SLC9B1: variants seen among roughly 807,000 people sequenced by gnomAD.
The protein encoded by SLC9B1 is solute carrier family 9 member B1.
SLC9B1 carries 32 observed loss-of-function variants against 51.7 expected under a neutral mutation model. The observed-to-expected ratio is 0.62, with a 90% CI of 0.47 to 0.83. The LOEUF (loss-of-function observed/expected upper bound fraction) is 0.83, where lower values mean the gene tolerates loss of function less well. Ranked by LOEUF, SLC9B1 falls within the 40% of genes least tolerant of loss-of-function variation. The pLI is 0.00. For missense variants in SLC9B1, 406 were observed against 613.2 expected (o/e 0.66, Z 3.57); for synonymous variants, 145 against 212.7 (o/e 0.68, Z 2.77).
intron 1 of SLC9B1, among the ~76,000 whole-genome samples, chr4:103,010,485 T>C (rs191856845): frequency 2.0e-5 from 3 of 152,306 alleles, no homozygotes; most frequent in African/African-American, 7.2e-5. Context: ...ATTCAAACCA[T>C]AGTAGTGTCT....
intron 4 of SLC9B1, among the ~76,000 whole-genome samples, chr4:102,947,963 A>AAGAG (rs2110475142): frequency 6.6e-6 from 1 of 152,362 alleles, no homozygotes; most frequent in African/African-American, 2.4e-5. Context: ...TGGTGAATCC[A>AAGAG]TGAGTGATGG....
At chr4:102,915,400 C>G (rs1252291062) in intron 7 of SLC9B1, among the ~76,000 whole-genome samples, 1 of 151,866 alleles carries the variant, frequency 6.6e-6, no homozygotes, top group Non-Finnish European at 1.5e-5. Context: ...TTACTTTTTT[C>G]TTTTTCTTTT....
At chr4:102,934,286 CAT>C (rs1736606477) in intron 6 of SLC9B1, among the ~76,000 whole-genome samples, 1 of 151,924 alleles carries the variant, frequency 6.6e-6, no homozygotes, top group African/African-American at 2.4e-5. Context: ...ATAATAGTGA[CAT>C]ATAAATAGAC....
intron 3 of SLC9B1, among the ~76,000 whole-genome samples, chr4:102,958,185 T>C (rs551689517): frequency 1.8e-3 from 267 of 152,300 alleles, no homozygotes; most frequent in Non-Finnish European, 3.1e-3. Context: ...GGGGCAGATT[T>C]CTCCTGAATG....
At chr4:102,950,662 G>A (rs1737503270) in intron 3 of SLC9B1, among the ~76,000 whole-genome samples, 1 of 152,136 alleles carries the variant, frequency 6.6e-6, no homozygotes, top group African/African-American at 2.4e-5. Context: ...TTGTCATCCT[G>A]CAAAACTGGA....
intron 6 of SLC9B1, among the ~76,000 whole-genome samples, chr4:102,932,828 GA>G (rs1343776863): frequency 2.0e-5 from 3 of 152,194 alleles, no homozygotes; most frequent in Non-Finnish European, 4.4e-5. Flanking sequence ...ACCACTGTAA[GA>G]ATGGTCAGAC....
intron 7 of SLC9B1, among the ~76,000 whole-genome samples, chr4:102,927,259 C>T (rs77939343): frequency 0.55 from 83,160 of 151,938 alleles, 23,317 homozygotes; most frequent in African/African-American, 0.68. Context: ...TGGAATCTAA[C>T]TAAACTAAAG....
chr4:102,916,071 A>T (rs562270057), intron 7 of SLC9B1, among the ~76,000 whole-genome samples: 3 of 152,256 alleles, frequency 2.0e-5, no homozygotes, highest in African/African-American at 7.2e-5. Flanking sequence ...AATAAACAAA[A>T]TGACAATAGT....
intron 7 of SLC9B1, among the ~76,000 whole-genome samples, chr4:102,920,572 CAGA>C (rs1384282863): frequency 4.6e-5 from 7 of 152,128 alleles, no homozygotes; most frequent in Non-Finnish European, 1.0e-4. Flanking sequence ...GACGAGTTGA[CAGA>C]AGTAGGCTTC....
In SLC9B1 at chr4:102,932,129, G is replaced by A. The variant is rs374115572; in HGVS notation, c.824C>T (p.Ser275Phe). The A allele has an allele frequency of 8.1e-6, 13 of 1,611,650 alleles. No individual in the cohort carries two copies. The highest frequency in any genetic ancestry group is 1.1e-5 in the Non-Finnish European group (13 of 1,179,716). Reference sequence around the variant, plus strand: ...TGTTATATTTTCTTGTTTACCTGAGGAAAAGACTATGCTCAAGCATGTATT... The same window carrying A: ...TGTTATATTTTCTTGTTTACCTGAGAAAAAGACTATGCTCAAGCATGTATT... ...GFNTCLSIVF[S>F]SGGILNNAIA... The change falls in exon 7 of 12, where the codon TCC (serine) becomes TTC (phenylalanine). Residue 275 changes from serine (S) to phenylalanine (F), a missense_variant. Around this residue, in one of 6 missense-constraint regions of SLC9B1, gnomAD observed 250 missense variants for 394.1 expected, o/e 0.63. Coordinates refer to ENST00000296422, the MANE Select transcript of SLC9B1 (RefSeq NM_139173.4).
At chr4:102,920,329 A>G (rs1291458327) in intron 7 of SLC9B1, among the ~76,000 whole-genome samples, 1 of 152,210 alleles carries the variant, frequency 6.6e-6, no homozygotes, top group African/African-American at 2.4e-5. Flanking sequence ...GACTGTTAGA[A>G]GGAAAACTAA....
chr4:102,978,306 T>C (rs1366227771), intron 3 of SLC9B1, among the ~76,000 whole-genome samples: 2 of 152,166 alleles, frequency 1.3e-5, no homozygotes, highest in Non-Finnish European at 2.9e-5. Context: ...TGATTTATAA[T>C]CCTTAAATGG....
chr4:102,985,717 G>C (rs1739584082), intron 3 of SLC9B1, among the ~76,000 whole-genome samples: 1 of 151,864 alleles, frequency 6.6e-6, no homozygotes. Context: ...TAGAGACAGG[G>C]CTTCACCATG....
chr4:102,906,716 C>G (rs1395707261), intron 9 of SLC9B1, 72 bp from the exon 10 acceptor site: 2 of 920,080 alleles, frequency 2.2e-6, no homozygotes, highest in Non-Finnish European at 3.2e-6. Context: ...AAGTCTTCCC[C>G]CCCCTTTTTT....
chr4:102,941,249 C>A (rs370486949), intron 6 of SLC9B1, among the ~76,000 whole-genome samples: 8 of 151,998 alleles, frequency 5.3e-5, no homozygotes, highest in Admixed American at 5.2e-4. Context: ...ACCATGCATT[C>A]GACAAAAGTC....
At position 102,910,440 on chromosome 4, in the gene SLC9B1, T is replaced by C. The variant is rs1274123747; in HGVS notation, c.1085A>G (p.Lys362Arg). ...FIAGTKWSQE[K>R]MKVQKIITTV... ...ATATAGCATATTAAAAATATTCACC[T>C]TTTCTTGGGACCATTTTGTCCCTGC... is the stretch of plus-strand genomic sequence containing the variant. The change falls in exon 9 of 12, where the codon AAG becomes AGG. Residue 362 changes from lysine (K) to arginine (R), a missense_variant and splice_region_variant. Transcript: ENST00000296422. 3.2e-6 allele frequency: 5 copies of C among 1,546,160 alleles called. No homozygotes were observed. The highest frequency in any genetic ancestry group is 4.3e-6 in the Non-Finnish European group (5 of 1,155,200).
intron 4 of SLC9B1, among the ~76,000 whole-genome samples, chr4:102,948,753 G>A (rs1338655253): frequency 6.6e-6 from 1 of 152,108 alleles, no homozygotes. Context: ...TTATATGTGG[G>A]CACTAAACAA....
At chr4:102,998,177 C>T (rs923607350) in intron 1 of SLC9B1, among the ~76,000 whole-genome samples, 2 of 152,126 alleles carry the variant, frequency 1.3e-5, no homozygotes, top group African/African-American at 2.4e-5. Flanking sequence ...TTCCCATTCT[C>T]CCCTCCTCCA....
chr4:102,910,303 C>T lies in SLC9B1; in HGVS notation c.1086+136G>A, dbSNP rs113185655. 377 of 632,062 alleles carry T rather than the reference C, an allele frequency of 6.0e-4. 5 individuals are homozygous for T. In the African/African-American group the frequency reaches 6.6e-3, roughly 11 times the overall value. The allele number at this position is 632,062 out of a possible 1,614,324, so 39.2% of individuals were successfully genotyped here. A position where few individuals can be genotyped will look rare whatever the true frequency, so the allele number is the denominator to read the frequency against. ...GCTTTTCCTAAATATTTTCTTTCCT[C>T]GATTGATTCATACACTTTCTTGAGG... On this transcript the variant is annotated intron_variant, in intron 9 of 11. Coordinates refer to ENST00000296422, the MANE Select transcript of SLC9B1 (RefSeq NM_139173.4).
Sources: allele counts gnomAD v4.1 joint callset (sites outside exome capture counted in the v4.1 genomes callset), GRCh38; gene constraint gnomAD v4.1.1; regional missense constraint gnomAD v4.1.1; transcripts MANE v1.5; gene names NCBI Gene and HGNC (gene_info 2026-07-23, HGNC 2026-07-21).